The following ZMYM1 variants were observed in gnomAD, a reference collection of about 807,000 sequenced individuals.
The protein encoded by ZMYM1 is zinc finger MYM-type containing 1, also known as zinc finger MYM-type protein 1.
Under a neutral mutation model 60.0 loss-of-function variants are expected in ZMYM1, and 39 were observed. That is an observed-to-expected ratio of 0.65 (90% CI 0.50 to 0.85). The LOEUF (loss-of-function observed/expected upper bound fraction) is 0.85. ZMYM1 is among the 40% of genes least tolerant of loss of function. ZMYM1 has a pLI of 0.00. For missense variants in ZMYM1, 1,171 were observed against 1,309.5 expected (o/e 0.89, Z 1.63); for synonymous variants, 413 against 454.0 (o/e 0.91, Z 1.15).
At chr1:35,096,310 TA>T (rs570507284) in intron 3 of ZMYM1, among the ~76,000 whole-genome samples, 426 of 121,918 alleles carry the variant, frequency 3.5e-3, no homozygotes, top group Non-Finnish European at 3.8e-3. Context: ...AGACTCTGTC[TA>T]AAAAAAAAAA....
rs747725209 is a variant in ZMYM1, at chr1:35,114,260, A to G, written c.2430A>G (p.Thr810=). ...AACATATATCACAATCATGTTGGAC[A>G]GTCCATGATCGTACATTACTATCTG... The part of the protein sequence containing the change: ...CKKHISQSCW[T]VHDRTLLSVI... Residue 810 remains threonine (T), a synonymous_variant, in exon 10 of 10, where the codon ACA becomes ACG. Transcript: ENST00000359858. 23 of 1,613,798 alleles carry G rather than the reference A, an allele frequency of 1.4e-5. No homozygotes were observed. Among genetic ancestry groups the G allele is most frequent in the Non-Finnish European group, 1.9e-5 (22 of 1,179,814 alleles).
At chr1:35,106,608 CAAAAAAAAAAAA>C (rs752085700) in intron 6 of ZMYM1, among the ~76,000 whole-genome samples, 3 of 38,840 alleles carry the variant, frequency 7.7e-5, no homozygotes, top group Non-Finnish European at 1.6e-4. Flanking sequence ...GACTCCGTCT[CAAAAAAAAAAAA>C]AAAAAAAAAA....
At chr1:35,076,511 C>T (rs1221254033), upstream of ZMYM1, among the ~76,000 whole-genome samples, 1 of 151,726 alleles carries the variant, frequency 6.6e-6, no homozygotes, top group East Asian at 1.9e-4. Flanking sequence ...ATCCCAACTA[C>T]TCAGGAGGCT....
intron 1 of ZMYM1, among the ~76,000 whole-genome samples, chr1:35,084,324 A>C (rs1642546156): frequency 6.6e-6 from 1 of 151,952 alleles, no homozygotes; most frequent in Admixed American, 6.6e-5. Flanking sequence ...ATTTTTTTCC[A>C]GTCAGTTTTG....
chr1:35,113,139 C>G lies in ZMYM1; in HGVS notation c.1309C>G (p.Leu437Val), dbSNP rs987629800. The G allele has an allele frequency of 6.2e-7, 1 of 1,613,850 alleles. No individual in the cohort carries two copies. The highest frequency in any genetic ancestry group is 8.5e-7 in the Non-Finnish European group (1 of 1,179,942). The change falls in exon 10 of 10, where the codon CTA becomes GTA. Residue 437 changes from leucine (L) to valine (V), a missense_variant. Physicochemically the swap from Leu to Val is conservative, Grantham distance 32. Transcript: ENST00000359858. ...NMKSMKISDE[L>V]CHPKCTSKVQ... ...GAAATCTATGAAAATAAGTGATGAA[C>G]TATGTCACCCAAAATGTACATCCAA... is the stretch of plus-strand genomic sequence containing the variant.
At position 35,073,170 on chromosome 1, in the gene ZMYM1, G is replaced by C. The variant is rs1368769682; in HGVS notation, c.-300-5824G>C. Among the ~76,000 whole-genome samples, 3 of 143,448 alleles carry C rather than the reference G, an allele frequency of 2.1e-5. No individual in the cohort carries two copies. The Admixed American group carries it at 2.1e-4, about 10-fold the overall frequency. The allele number at this position is 143,448 out of a possible 152,430, so 94.1% of individuals were successfully genotyped here. A position where few individuals can be genotyped will look rare whatever the true frequency, so the allele number is the denominator to read the frequency against. Reference sequence around the variant, plus strand: ...AGCTACTCAGGGAGCTAAGGCATGAGAATTGCTGGAGCCTAGGAGGTGGAG... The same window carrying C: ...AGCTACTCAGGGAGCTAAGGCATGACAATTGCTGGAGCCTAGGAGGTGGAG... On this transcript the variant is annotated intron_variant, in intron 1 of 10. Transcript: ENST00000417119.
intron 1 of ZMYM1, among the ~76,000 whole-genome samples, chr1:35,083,760 C>T (rs1642512875): frequency 6.6e-6 from 1 of 152,084 alleles, no homozygotes; most frequent in Admixed American, 6.6e-5. Context: ...GCCTGTACTA[C>T]AGGCATCCAC....
At chr1:35,094,581 A>C (rs1447260584) in intron 2 of ZMYM1, among the ~76,000 whole-genome samples, 1 of 152,204 alleles carries the variant, frequency 6.6e-6, no homozygotes, top group African/African-American at 2.4e-5. Context: ...ATGGCCAGGC[A>C]CAGTGGCTCA....
intron 9 of ZMYM1, among the ~76,000 whole-genome samples, chr1:35,112,748 A>G (rs1408863788): frequency 1.3e-5 from 2 of 151,560 alleles, no homozygotes; most frequent in East Asian, 3.9e-4. Flanking sequence ...TCATCTGAGC[A>G]ATAAAAATTA....
chr1:35,059,809 C>CCT (rs1462603998), exon 1 of ZMYM1: 1 of 152,100 alleles, frequency 6.6e-6, no homozygotes, highest in African/African-American at 2.4e-5. Flanking sequence ...GAGTCTCCAG[C>CCT]CTCTCTTTGC....
chr1:35,073,082 G>GA (rs1051657130), intron 1 of ZMYM1, among the ~76,000 whole-genome samples: 10 of 133,110 alleles, frequency 7.5e-5, no homozygotes, highest in Admixed American at 7.7e-5. Context: ...ATTCCATCTC[G>GA]AAAAAAAAAA....
chr1:35,111,299 T>G (rs1038376836), intron 7 of ZMYM1, among the ~76,000 whole-genome samples: 1 of 152,196 alleles, frequency 6.6e-6, no homozygotes. Flanking sequence ...ATAGAGTGAC[T>G]AATGCCTCTG....
At chr1:35,089,132 A>T (rs576731695) in intron 1 of ZMYM1, among the ~76,000 whole-genome samples, 1 of 152,100 alleles carries the variant, frequency 6.6e-6, no homozygotes, top group East Asian at 1.9e-4. Flanking sequence ...TTATGTTTGT[A>T]TGGTGACACA....
Position 35,107,498 on chromosome 1 carries a change from AC to A in ZMYM1, c.807+2732del, listed in dbSNP as rs35685941. Among the ~76,000 whole-genome samples, 256 of 151,272 alleles carry A rather than the reference AC, an allele frequency of 1.7e-3. 2 individuals carry two copies. Among genetic ancestry groups the A allele is most frequent in the Admixed American group, 4.7e-3 (72 of 15,188 alleles). ...AAAAAAAAAAAAACCTGTATTGAGT[AC>A]CCAGTTGTTCAGCTTATGTGATGGG... is the stretch of plus-strand genomic sequence containing the variant. On this transcript the variant is annotated intron_variant, in intron 6 of 9. Transcript: ENST00000359858.
rs1644233771 is a variant in ZMYM1, at chr1:35,115,356, C to T, written c.*97C>T. ...AATTCAAAAGACACAGAACGATAAA[C>T]AGTGAAGTCTCCTTCCCTCCTTTAG... On this transcript the variant is annotated 3_prime_UTR_variant, in exon 10 of 10. Transcript: ENST00000359858. 1 of 1,353,558 alleles carries T rather than the reference C, an allele frequency of 7.4e-7. No homozygotes were observed. Among genetic ancestry groups the T allele is most frequent in the African/African-American group, 1.5e-5 (1 of 68,418 alleles). 83.8% of individuals were successfully genotyped at this position (1,353,558 alleles called of 1,614,324 possible).
intron 4 of ZMYM1, among the ~76,000 whole-genome samples, chr1:35,103,820 A>G (rs1040290473): frequency 1.3e-5 from 2 of 152,250 alleles, no homozygotes; most frequent in Non-Finnish European, 2.9e-5. Context: ...TTTGAAGACC[A>G]TATTTTAAGA....
At chr1:35,089,897 T>C (rs1393815395) in intron 1 of ZMYM1, among the ~76,000 whole-genome samples, 1 of 147,752 alleles carries the variant, frequency 6.8e-6, no homozygotes, top group Non-Finnish European at 1.5e-5. Flanking sequence ...AGGTGCCCGA[T>C]ATAAGGCTCT....
At chr1:35,088,508 A>G (rs3125605) in intron 1 of ZMYM1, among the ~76,000 whole-genome samples, 33 of 122,934 alleles carry the variant, frequency 2.7e-4, no homozygotes, top group African/African-American at 9.1e-4. Flanking sequence ...GTGTATGTAC[A>G]TATATGTATA....
At chr1:35,095,996 A>G (rs1643294779) in intron 3 of ZMYM1, 105 bp downstream of exon 3, 2 of 863,376 alleles carry the variant, frequency 2.3e-6, no homozygotes. Context: ...TTGGGTTTTA[A>G]GTCCAGGAGA....
Sources: gnomAD v4.1 joint callset for allele counts (sites outside exome capture counted in the v4.1 genomes callset) on GRCh38, gnomAD v4.1.1 for gene constraint, MANE v1.5 for transcripts, NCBI Gene and HGNC (gene_info 2026-07-23, HGNC 2026-07-21) for gene names.